Variants in HS6ST3 observed in about 807,000 individuals in gnomAD.
The protein encoded by HS6ST3 is heparan sulfate 6-O-sulfotransferase 3.
Under a neutral mutation model 36.7 loss-of-function variants are expected in HS6ST3, and 12 were observed. That is an observed-to-expected ratio of 0.33 (90% CI 0.21 to 0.53). The LOEUF (loss-of-function observed/expected upper bound fraction) is 0.53. HS6ST3 is among the 20% of genes least tolerant of loss of function. HS6ST3 has a pLI of 0.95. For synonymous variants in HS6ST3, 240 were observed against 257.5 expected, an observed-to-expected ratio of 0.93 and a Z score of 0.65; for missense variants, 584 against 640.9, an observed-to-expected ratio of 0.91 and a Z score of 0.96.
At chr13:96,467,032 C>T (rs1431351410) in intron 1 of HS6ST3, among the ~76,000 whole-genome samples, 1 of 152,172 alleles carries the variant, frequency 6.6e-6, no homozygotes, top group Non-Finnish European at 1.5e-5. Flanking sequence ...TCCTTTGTTT[C>T]AATCATTTCA....
chr13:96,693,000 A>G (rs1875010704), intron 1 of HS6ST3, among the ~76,000 whole-genome samples: 1 of 152,156 alleles, frequency 6.6e-6, no homozygotes, highest in African/African-American at 2.4e-5. Context: ...CCATTTGAGA[A>G]CTTAAGTTTC....
intron 1 of HS6ST3, among the ~76,000 whole-genome samples, chr13:96,791,092 A>G (rs994379259): frequency 9.9e-5 from 15 of 151,926 alleles, no homozygotes; most frequent in African/African-American, 3.6e-4. Flanking sequence ...CTTAGTGACT[A>G]TTTCTAGGAC....
chr13:96,132,714 C>A (rs941391796), intron 1 of HS6ST3, among the ~76,000 whole-genome samples: 2 of 152,102 alleles, frequency 1.3e-5, no homozygotes, highest in Non-Finnish European at 2.9e-5. Flanking sequence ...CAGCTAATGG[C>A]TGTATTAATT....
intron 1 of HS6ST3, among the ~76,000 whole-genome samples, chr13:96,779,576 T>A (rs1877474943): frequency 6.6e-6 from 1 of 151,970 alleles, no homozygotes; most frequent in African/African-American, 2.4e-5. Flanking sequence ...GAGCAGGACA[T>A]ACGTGCCAAG....
intron 1 of HS6ST3, among the ~76,000 whole-genome samples, chr13:96,558,141 G>A (rs888278525): frequency 5.9e-5 from 9 of 151,518 alleles, no homozygotes; most frequent in Non-Finnish European, 1.0e-4. Flanking sequence ...CTCAATGCTC[G>A]TTACATTCCT....
At chr13:96,792,612 G>C (rs1262371690) in intron 1 of HS6ST3, among the ~76,000 whole-genome samples, 3 of 151,944 alleles carry the variant, frequency 2.0e-5, no homozygotes, top group Non-Finnish European at 4.4e-5. Context: ...GGACATTTTA[G>C]AACCTGTGTT....
At chr13:96,667,761 T>C (rs2056668760) in intron 1 of HS6ST3, among the ~76,000 whole-genome samples, 1 of 152,222 alleles carries the variant, frequency 6.6e-6, no homozygotes, top group Non-Finnish European at 1.5e-5. Flanking sequence ...GCAAGAATTA[T>C]ACATGGACTT....
chr13:96,491,627 C>G (rs1362038045), intron 1 of HS6ST3, among the ~76,000 whole-genome samples: 2 of 152,204 alleles, frequency 1.3e-5, no homozygotes, highest in East Asian at 3.9e-4. Flanking sequence ...GCATTCCCAA[C>G]TTGCATACTC....
chr13:96,488,069 C>G (rs757365425), intron 1 of HS6ST3, among the ~76,000 whole-genome samples: 2 of 152,068 alleles, frequency 1.3e-5, no homozygotes, highest in African/African-American at 4.8e-5. Context: ...GAATGTTTTT[C>G]TTTGCAAAAT....
intron 1 of HS6ST3, among the ~76,000 whole-genome samples, chr13:96,454,713 T>C (rs2055746353): frequency 6.6e-6 from 1 of 151,886 alleles, no homozygotes; most frequent in Admixed American, 6.6e-5. Flanking sequence ...TGACTGTGAG[T>C]CACTATAGAC....
rs569599853 is a variant in HS6ST3 at position 96,594,744 on chromosome 13, G to T, written c.708-237746G>T. On this transcript the variant is annotated intron_variant, in intron 1 of 1. Coordinates refer to ENST00000376705, the MANE Select transcript of HS6ST3 (RefSeq NM_153456.4). ...TTTGTCTTTTAACCTTTGTACTAAA[G>T]GTATAGTGATTTACACACCACCATT... Among the ~76,000 whole-genome samples the T allele has an allele frequency of 2.0e-4, 31 of 152,110 alleles. 1 individual carries two copies. Among genetic ancestry groups the T allele is most frequent in the Admixed American group, 1.6e-3 (24 of 15,274 alleles).
Position 96,198,700 on chromosome 13 carries a change from A to G in HS6ST3, c.707+107131A>G, listed in dbSNP as rs1255727948. On this transcript the variant is annotated intron_variant, in intron 1 of 1. Transcript: ENST00000376705. ...AGTTCCTCATCTCCATCTGAGACCA[A>G]CTCAGCCTGGGCCTTATTGTCCATA... Among the ~76,000 whole-genome samples, 3 of 152,124 alleles carry G rather than the reference A, an allele frequency of 2.0e-5. No homozygotes were observed. The East Asian group carries it at 5.8e-4, about 29-fold the overall frequency.
intron 1 of HS6ST3, among the ~76,000 whole-genome samples, chr13:96,747,647 A>G (rs1052954133): frequency 2.0e-5 from 3 of 152,056 alleles, no homozygotes; most frequent in African/African-American, 7.2e-5. Flanking sequence ...TTGATTTTTC[A>G]TAATCTAGCT....
intron 1 of HS6ST3, among the ~76,000 whole-genome samples, chr13:96,140,942 A>G (rs1463540934): frequency 6.6e-6 from 1 of 152,214 alleles, no homozygotes; most frequent in East Asian, 1.9e-4. Flanking sequence ...GGCTTAAAAA[A>G]TGTCAACATA....
At chr13:96,469,149 G>T (rs767628185) in intron 1 of HS6ST3, among the ~76,000 whole-genome samples, 1 of 152,108 alleles carries the variant, frequency 6.6e-6, no homozygotes, top group Non-Finnish European at 1.5e-5. Flanking sequence ...GCAGCTGGAG[G>T]TTGTCTGAAT....
intron 1 of HS6ST3, chr13:96,574,117 C>T (rs2056312085): frequency 9.3e-6 from 5 of 538,980 alleles, no homozygotes; most frequent in Admixed American, 7.7e-5. Flanking sequence ...ATTCAGGTCT[C>T]AGGGAATACG....
In HS6ST3 at chr13:96,791,305, G is replaced by A. The variant is rs556734748; in HGVS notation, c.708-41185G>A. On this transcript the variant is annotated intron_variant, in intron 1 of 1. Coordinates refer to ENST00000376705, the MANE Select transcript of HS6ST3 (RefSeq NM_153456.4). ...TTTAGTGTTTGCATGCTAATTTTCCGTTCTTCATGGTCAATATTAAACGAT... is the reference window on the plus strand; with the variant it reads ...TTTAGTGTTTGCATGCTAATTTTCCATTCTTCATGGTCAATATTAAACGAT... 7.9e-5 allele frequency among the ~76,000 whole-genome samples: 12 copies of A among 152,006 alleles called. No individual in the cohort carries two copies. The South Asian group carries it at 1.7e-3, about 21-fold the overall frequency.
At chr13:96,809,650 T>C (rs1435708438) in intron 1 of HS6ST3, among the ~76,000 whole-genome samples, 1 of 152,178 alleles carries the variant, frequency 6.6e-6, no homozygotes, top group Non-Finnish European at 1.5e-5. Context: ...GCTCCCAGAC[T>C]CGGCCATGAG....
intron 1 of HS6ST3, among the ~76,000 whole-genome samples, chr13:96,466,736 C>G (rs12583324): frequency 0.2 from 30,724 of 151,546 alleles, 3,353 homozygotes; most frequent in African/African-American, 0.29. Flanking sequence ...ATGCATGTAT[C>G]AAACCATGAA....
Sources: allele counts gnomAD v4.1 joint callset (sites outside exome capture counted in the v4.1 genomes callset), GRCh38; gene constraint gnomAD v4.1.1; transcripts MANE v1.5; gene names NCBI Gene and HGNC (gene_info 2026-07-23, HGNC 2026-07-21).